ABLIM2: variants seen among roughly 807,000 people sequenced by gnomAD.
ABLIM2 encodes actin-binding LIM protein 2.
In ABLIM2, 53 loss-of-function variants were observed where a neutral mutation model predicts 97.7. That is an observed-to-expected ratio of 0.54 (90% CI 0.44 to 0.68). The LOEUF (loss-of-function observed/expected upper bound fraction) is 0.68. Ranked by LOEUF, ABLIM2 falls within the 30% of genes least tolerant of loss-of-function variation. The probability of loss-of-function intolerance (pLI) is 0.00; values close to 1 mark genes in which losing one functional copy is unlikely to be tolerated. For missense variants in ABLIM2, 835 were observed against 867.2 expected (o/e 0.96, Z 0.47); for synonymous variants, 361 against 345.8 (o/e 1.04, Z -0.49).
chr4:8,071,701 A>ACCCC lies in ABLIM2; in HGVS notation c.675+5926_675+5927insGGGG. The stretch of plus-strand genomic sequence containing the variant: ...CTGCTCTGTCCCCAAAAACCCACCC[A>ACCCC]CCCGCAGCCCCTCCTGGCCCCTGTG... On this transcript the variant is annotated intron_variant, in intron 6 of 20. Transcript: ENST00000447017. The surrounding 1 kb of genome is among the most constrained non-coding windows in gnomAD (Gnocchi z 6.2). 2 of 494,392 alleles carry ACCCC rather than the reference A, an allele frequency of 4.0e-6. No homozygotes were observed. Among genetic ancestry groups the ACCCC allele is most frequent in the Non-Finnish European group, 5.1e-6 (2 of 391,988 alleles). 30.6% of individuals were successfully genotyped at this position (494,392 alleles called of 1,614,324 possible). A position where few individuals can be genotyped will look rare whatever the true frequency, so the allele number is the denominator to read the frequency against.
At chr4:8,029,818 C>T in intron 10 of ABLIM2, 42 bp from the exon 11 acceptor site, 2 of 1,546,716 alleles carry the variant, frequency 1.3e-6, no homozygotes, top group Non-Finnish European at 1.8e-6. Context: ...GAGCCGGGAG[C>T]ACTTCCCACC....
At position 8,083,585 on chromosome 4, in the gene ABLIM2, G is replaced by A. The variant is rs193160196; in HGVS notation, c.455-2783C>T. 2.0e-3 allele frequency among the ~76,000 whole-genome samples: 310 copies of A among 152,324 alleles called. 3 individuals are homozygous for A. The highest frequency in any genetic ancestry group is 9.1e-4 in the Non-Finnish European group (62 of 68,024). On this transcript the variant is annotated intron_variant, in intron 4 of 20. Coordinates refer to ENST00000447017, the MANE Select transcript of ABLIM2 (RefSeq NM_001130083.2). This position sits in a 1 kb window ranked among gnomAD's most constrained non-coding sequence, Gnocchi z 4.6. Reference sequence around the variant, plus strand: ...CATTCTCCTATCAGCAGTACACGTGGAGATGAGAGCAAGGTGCAAAAGGAG... The same window carrying A: ...CATTCTCCTATCAGCAGTACACGTGAAGATGAGAGCAAGGTGCAAAAGGAG...
At chr4:8,070,663 C>G (rs979485909) in intron 6 of ABLIM2, among the ~76,000 whole-genome samples, 1 of 152,164 alleles carries the variant, frequency 6.6e-6, no homozygotes, top group Non-Finnish European at 1.5e-5. Context: ...CTGCCAGCCT[C>G]CCCTGTGGCA....
In ABLIM2 at chr4:8,058,232, T is replaced by C. The variant is rs186098162; in HGVS notation, c.763+2735A>G. Among the ~76,000 whole-genome samples, 23 of 152,374 alleles carry C rather than the reference T, an allele frequency of 1.5e-4. No individual in the cohort carries two copies. The highest frequency in any genetic ancestry group is 7.8e-4 in the Admixed American group (12 of 15,306). On this transcript the variant is annotated intron_variant, in intron 7 of 20. Coordinates refer to ENST00000447017, the MANE Select transcript of ABLIM2 (RefSeq NM_001130083.2). The surrounding 1 kb of genome is among the most constrained non-coding windows in gnomAD (Gnocchi z 4.2). ...CAAACCCCATGCAGAGCAAGGCCCC[T>C]GCCCAGACAGCCTGGCACTGCTGGG...
In ABLIM2 at chr4:8,005,444, G is replaced by T. The variant is rs375537277; in HGVS notation, c.1618+2615C>A. The T allele has an allele frequency of 5.6e-6, 3 of 532,618 alleles. No homozygotes were observed. The highest frequency in any genetic ancestry group is 4.2e-5 in the South Asian group (3 of 71,528). The allele number at this position is 532,618 out of a possible 1,614,324, so 33.0% of individuals were successfully genotyped here. A position where few individuals can be genotyped will look rare whatever the true frequency, so the allele number is the denominator to read the frequency against. On this transcript the variant is annotated intron_variant, in intron 16 of 20. Coordinates refer to ENST00000447017, the MANE Select transcript of ABLIM2 (RefSeq NM_001130083.2). The surrounding 1 kb of genome is among the most constrained non-coding windows in gnomAD (Gnocchi z 4.9). ...ATGGACGTCCCGGGGTGCAGGTGGC[G>T]TGCCTTGCTGTGTGCAAATGCTTTG...
At chr4:8,024,575 G>C (rs977786460) in intron 12 of ABLIM2, among the ~76,000 whole-genome samples, 2 of 152,204 alleles carry the variant, frequency 1.3e-5, no homozygotes, top group Non-Finnish European at 2.9e-5. Context: ...GCTGACCCCT[G>C]GGGGCTGCCA....
intron 6 of ABLIM2, among the ~76,000 whole-genome samples, chr4:8,074,022 G>C (rs1026722786): frequency 6.8e-6 from 1 of 147,544 alleles, no homozygotes; most frequent in African/African-American, 2.5e-5. Flanking sequence ...AGGAGGTGGA[G>C]GTTGCAGTGA....
intron 1 of ABLIM2, among the ~76,000 whole-genome samples, chr4:8,134,095 C>T (rs574001448): frequency 6.6e-6 from 1 of 152,312 alleles, no homozygotes; most frequent in Admixed American, 6.5e-5. Context: ...ACATCTGCAC[C>T]AAGCACTGAA....
In ABLIM2 at chr4:7,984,861, C is replaced by A; in HGVS notation, c.1713G>T (p.Pro571=). Residue 571 remains proline (P), a synonymous_variant, in exon 18 of 21, where the codon CCG becomes CCT. Transcript: ENST00000447017. ...TACCTCGCATGCCCCAGCTGGCATC[C>A]GGGTCTGCTCCACAGGGGGCCAGAT... ...NANLAPCGAD[P]DASWGMREYK... The A allele has an allele frequency of 1.2e-6, 2 of 1,607,594 alleles. No homozygotes were observed. The highest frequency in any genetic ancestry group is 1.1e-5 in the South Asian group (1 of 89,178).
At position 8,032,432 on chromosome 4, in the gene ABLIM2, G is replaced by A. The variant is rs1223495425; in HGVS notation, c.1048-2656C>T. ...CGTCCCAGGCGGCCACATCCGCAGG[G>A]CTGGCAGACATATCGGGGAGGCATG... On this transcript the variant is annotated intron_variant, in intron 10 of 20. Transcript: ENST00000447017. The surrounding 1 kb of genome is among the most constrained non-coding windows in gnomAD (Gnocchi z 4.3). Among the ~76,000 whole-genome samples the A allele has an allele frequency of 6.6e-6, 1 of 152,166 alleles. No individual in the cohort carries two copies. Among genetic ancestry groups the A allele is most frequent in the African/African-American group, 2.4e-5 (1 of 41,446 alleles).
chr4:8,008,479 G>C (rs1762797013), intron 15 of ABLIM2, among the ~76,000 whole-genome samples: 1 of 152,236 alleles, frequency 6.6e-6, no homozygotes, highest in African/African-American at 2.4e-5. Context: ...GGCCCACAGG[G>C]CTCTGCACGG....
At chr4:8,152,472 T>C (rs1032411019) in intron 1 of ABLIM2, among the ~76,000 whole-genome samples, 3 of 152,348 alleles carry the variant, frequency 2.0e-5, no homozygotes, top group South Asian at 2.1e-4. Flanking sequence ...AGGGCGGCAC[T>C]TGATGAGCCG....
intron 8 of ABLIM2, among the ~76,000 whole-genome samples, chr4:8,048,326 G>C (rs972974580): frequency 1.3e-5 from 2 of 152,230 alleles, no homozygotes; most frequent in African/African-American, 4.8e-5. Context: ...CAAGCGCCTT[G>C]TTCAGACCCA....
At chr4:8,106,674 G>T (rs1837579809) in intron 1 of ABLIM2, 37 bp from the exon 2 acceptor site, 3 of 1,569,806 alleles carry the variant, frequency 1.9e-6, no homozygotes, top group East Asian at 2.2e-5. Context: ...TTCAAGGGTG[G>T]ATGTGTGAGG....
intron 8 of ABLIM2, among the ~76,000 whole-genome samples, chr4:8,049,591 C>T (rs983756628): frequency 5.3e-5 from 8 of 152,202 alleles, no homozygotes; most frequent in African/African-American, 1.7e-4. Flanking sequence ...GACCTTAAGT[C>T]TGATGAGAAA....
intron 14 of ABLIM2, among the ~76,000 whole-genome samples, chr4:8,018,609 T>C (rs966005749): frequency 6.6e-6 from 1 of 152,222 alleles, no homozygotes; most frequent in Non-Finnish European, 1.5e-5. Flanking sequence ...ATTGCCATGA[T>C]GGAGAAAGTA....
intron 3 of ABLIM2, among the ~76,000 whole-genome samples, chr4:8,094,290 C>G (rs1270345513): frequency 6.6e-6 from 1 of 152,136 alleles, no homozygotes; most frequent in Non-Finnish European, 1.5e-5. Flanking sequence ...CCTGTCATTT[C>G]TGGGCCTATT....
rs60992903 is a variant in ABLIM2, at chr4:8,056,112, C to CAAAAAAAAAAAAAAAAAAAA, written c.764-1886_764-1867dup. On this transcript the variant is annotated intron_variant, in intron 7 of 20. Coordinates refer to ENST00000447017, the MANE Select transcript of ABLIM2 (RefSeq NM_001130083.2). The stretch of plus-strand genomic sequence containing the variant: ...TGGGTAACAGAGCAAGACTCTGTCT[C>CAAAAAAAAAAAAAAAAAAAA]AAAAAAAAAAAAAAAAAAAAAAAAA... 9.4e-4 allele frequency among the ~76,000 whole-genome samples: 64 copies of CAAAAAAAAAAAAAAAAAAAA among 68,356 alleles called. 1 individual carries two copies. The highest frequency in any genetic ancestry group is 1.4e-3 in the Non-Finnish European group (50 of 35,722). The allele number at this position is 68,356 out of a possible 152,430, so 44.8% of individuals were successfully genotyped here. A position where few individuals can be genotyped will look rare whatever the true frequency, so the allele number is the denominator to read the frequency against.
chr4:8,077,009 G>T (rs1816635898), intron 6 of ABLIM2, among the ~76,000 whole-genome samples: 1 of 149,014 alleles, frequency 6.7e-6, no homozygotes, highest in African/African-American at 2.5e-5. Context: ...GCAGGATGGG[G>T]GTTGGGGGTC....
Sources: gnomAD v4.1 joint callset for allele counts (sites outside exome capture counted in the v4.1 genomes callset) on GRCh38, gnomAD v4.1.1 for gene constraint, Gnocchi (gnomAD v3.1) non-coding constraint, MANE v1.5 for transcripts, NCBI Gene and HGNC (gene_info 2026-07-23, HGNC 2026-07-21) for gene names.